Variants in ZNG1E observed in about 807,000 individuals in gnomAD.
ZNG1E encodes zinc-regulated GTPase metalloprotein activator 1E.
the ZNG1E span, among the ~76,000 whole-genome samples, chr9:65,684,546 GCACGCACA>G: frequency 7.2e-6 from 1 of 139,486 alleles, no homozygotes; most frequent in Non-Finnish European, 1.5e-5. Context: ...ACACACACAC[GCACGCACA>G]CACACACACA....
chr9:65,686,607 C>A, the ZNG1E span, among the ~76,000 whole-genome samples: 6 of 152,272 alleles, frequency 3.9e-5, no homozygotes, highest in African/African-American at 1.4e-4. Flanking sequence ...TGCACTCCAG[C>A]CTGGGTGACA....
At chr9:65,660,694 G>A in the ZNG1E span, among the ~76,000 whole-genome samples, 3 of 151,578 alleles carry the variant, frequency 2.0e-5, no homozygotes, top group Non-Finnish European at 4.4e-5. Context: ...GAATAGGTGG[G>A]GCCTTGGCAA....
chr9:65,669,635 T>A, the ZNG1E span, among the ~76,000 whole-genome samples: 1 of 146,646 alleles, frequency 6.8e-6, no homozygotes, highest in African/African-American at 2.5e-5. Context: ...CTTTTTTTTT[T>A]AAATTTCATG....
the ZNG1E span, among the ~76,000 whole-genome samples, chr9:65,718,932 C>A: frequency 1.9e-5 from 1 of 53,648 alleles, no homozygotes; most frequent in African/African-American, 7.4e-5. Flanking sequence ...GGGAACTAAA[C>A]TTAAATGTTC....
the ZNG1E span, among the ~76,000 whole-genome samples, chr9:65,684,921 G>A: frequency 1.3e-5 from 2 of 152,184 alleles, no homozygotes; most frequent in East Asian, 1.9e-4. Flanking sequence ...CGGGTGTGAT[G>A]TGACAGGCCT....
the ZNG1E span, chr9:65,732,940 T>C: frequency 6.2e-7 from 1 of 1,608,340 alleles, no homozygotes; most frequent in Non-Finnish European, 8.5e-7. Context: ...CTATTTCTGC[T>C]TTTAAGTTTG....
chr9:65,714,369 C>G, the ZNG1E span, among the ~76,000 whole-genome samples: 2 of 151,642 alleles, frequency 1.3e-5, no homozygotes, highest in Non-Finnish European at 2.9e-5. Flanking sequence ...CAAAGTCATT[C>G]TCCGTCCAGC....
the ZNG1E span, chr9:65,731,611 TA>T: frequency 6.4e-7 from 1 of 1,566,244 alleles, no homozygotes; most frequent in Non-Finnish European, 8.5e-7. Flanking sequence ...GAATTATTAT[TA>T]TTTCCCTTGA....
At chr9:65,661,782 C>G in the ZNG1E span, among the ~76,000 whole-genome samples, 1 of 152,226 alleles carries the variant, frequency 6.6e-6, no homozygotes, top group Non-Finnish European at 1.5e-5. Context: ...TACACAGACA[C>G]AAAGGAATTT....
the ZNG1E span, among the ~76,000 whole-genome samples, chr9:65,687,374 T>G: frequency 6.9e-6 from 1 of 144,590 alleles, no homozygotes; most frequent in Non-Finnish European, 1.5e-5. Context: ...TCTTTTCAAG[T>G]TACAGGTACT....
chr9:65,710,298 G>A, the ZNG1E span, among the ~76,000 whole-genome samples: 401 of 147,276 alleles, frequency 2.7e-3, no homozygotes, highest in East Asian at 0.021. Context: ...CTCCCATTTT[G>A]TAGGTTGCCT....
the ZNG1E span, among the ~76,000 whole-genome samples, chr9:65,702,426 G>A: frequency 6.7e-6 from 1 of 150,040 alleles, no homozygotes; most frequent in Non-Finnish European, 1.5e-5. Flanking sequence ...ATAACGGGTA[G>A]AGAGCCTAAT....
At chr9:65,659,231 C>T in the ZNG1E span, among the ~76,000 whole-genome samples, 186 of 151,996 alleles carry the variant, frequency 1.2e-3, no homozygotes, top group East Asian at 0.019. Context: ...GGCATGGTGG[C>T]TCACGCCTGT....
chr9:65,704,392 A>T, the ZNG1E span: 1 of 203,632 alleles, frequency 4.9e-6, no homozygotes, highest in Non-Finnish European at 5.6e-6. Flanking sequence ...CAAGTGACTA[A>T]AATCTTCTGT....
the ZNG1E span, among the ~76,000 whole-genome samples, chr9:65,668,356 G>A: frequency 0.8 from 91,255 of 113,678 alleles, 36,783 homozygotes; most frequent in South Asian, 0.89. Context: ...CAGTGTTTAT[G>A]TAATATCGGT....
chr9:65,678,438 A>G, the ZNG1E span, among the ~76,000 whole-genome samples: 1 of 140,658 alleles, frequency 7.1e-6, no homozygotes, highest in Admixed American at 7.2e-5. Flanking sequence ...ATCTAGTTAT[A>G]TACTAGAAAA....
the ZNG1E span, among the ~76,000 whole-genome samples, chr9:65,663,161 CT>C: frequency 6.6e-6 from 1 of 152,398 alleles, no homozygotes; most frequent in Non-Finnish European, 1.5e-5. Context: ...CCAATGTTTA[CT>C]GAGGAAGAAC....
At chr9:65,664,012 G>A in the ZNG1E span, among the ~76,000 whole-genome samples, 1 of 152,332 alleles carries the variant, frequency 6.6e-6, no homozygotes, top group Non-Finnish European at 1.5e-5. Context: ...ATTAATATAT[G>A]CCCATGCACA....
At chr9:65,661,930 G>C in the ZNG1E span, among the ~76,000 whole-genome samples, 5 of 152,382 alleles carry the variant, frequency 3.3e-5, no homozygotes, top group African/African-American at 9.6e-5. Flanking sequence ...TTTTGAAAAA[G>C]AATAATGGAT....
Sources: allele counts gnomAD v4.1 joint callset (sites outside exome capture counted in the v4.1 genomes callset), GRCh38; gene constraint gnomAD v4.1.1; transcripts MANE v1.5; gene names NCBI Gene and HGNC (gene_info 2026-07-23, HGNC 2026-07-21).